The following PLCH1 variants were observed in gnomAD, a reference collection of about 807,000 sequenced individuals.
PLCH1 encodes the protein phospholipase C eta 1, also known as 1-phosphatidylinositol 4,5-bisphosphate phosphodiesterase eta-1.
PLCH1 carries 60 observed loss-of-function variants against 126.7 expected under a neutral mutation model. That is an observed-to-expected ratio of 0.47 (90% CI 0.38 to 0.59). The LOEUF (loss-of-function observed/expected upper bound fraction) is 0.59. Ranked by LOEUF, PLCH1 falls within the 20% of genes least tolerant of loss-of-function variation. The probability of loss-of-function intolerance (pLI) is 0.00; values close to 1 mark genes in which losing one functional copy is unlikely to be tolerated. For missense variants in PLCH1, 1,723 were observed against 2,040.0 expected (o/e 0.84, Z 2.99); for synonymous variants, 719 against 734.9 (o/e 0.98, Z 0.35).
intron 1 of PLCH1, among the ~76,000 whole-genome samples, chr3:155,722,523 A>T (rs1033611049): frequency 5.9e-5 from 9 of 152,136 alleles, no homozygotes; most frequent in African/African-American, 2.2e-4. Flanking sequence ...GAGGGTCTTA[A>T]TCATAAAAGA....
At chr3:155,587,890 A>G (rs1731593168) in intron 4 of PLCH1, among the ~76,000 whole-genome samples, 1 of 152,218 alleles carries the variant, frequency 6.6e-6, no homozygotes, top group South Asian at 2.1e-4. Flanking sequence ...CATATTTAGA[A>G]AACCAATTAA....
At chr3:155,520,964 T>TC (rs923941748) in intron 11 of PLCH1, among the ~76,000 whole-genome samples, 7 of 152,322 alleles carry the variant, frequency 4.6e-5, no homozygotes, top group African/African-American at 1.7e-4. Context: ...TGCATCTAAC[T>TC]CCAGGGTGGT....
chr3:155,684,932 T>G (rs1248667171), intron 2 of PLCH1, among the ~76,000 whole-genome samples: 1 of 152,182 alleles, frequency 6.6e-6, no homozygotes, highest in African/African-American at 2.4e-5. Context: ...ACAGTACTGA[T>G]TTATTAATTT....
chr3:155,612,099 C>T (rs557382412), intron 2 of PLCH1, among the ~76,000 whole-genome samples: 70 of 151,882 alleles, frequency 4.6e-4, no homozygotes, highest in Non-Finnish European at 8.7e-4. Flanking sequence ...GGCAGATCAC[C>T]TGAGGTCAAG....
chr3:155,659,577 G>C (rs1331901956), intron 2 of PLCH1, among the ~76,000 whole-genome samples: 1 of 151,782 alleles, frequency 6.6e-6, no homozygotes, highest in African/African-American at 2.4e-5. Flanking sequence ...TCGGCTCACT[G>C]CAACTCCACC....
At chr3:155,695,529 T>G (rs1018400439) in intron 2 of PLCH1, among the ~76,000 whole-genome samples, 5 of 152,232 alleles carry the variant, frequency 3.3e-5, no homozygotes. Context: ...AAATAAAATA[T>G]AGAAATTCAT....
intron 21 of PLCH1, among the ~76,000 whole-genome samples, chr3:155,460,293 A>T (rs1446987808): frequency 6.6e-6 from 1 of 152,200 alleles, no homozygotes; most frequent in African/African-American, 2.4e-5. Flanking sequence ...TTGCCAAAAT[A>T]TGTACTGGAC....
chr3:155,462,737 G>A (rs1166479304), intron 21 of PLCH1, among the ~76,000 whole-genome samples: 3 of 151,986 alleles, frequency 2.0e-5, no homozygotes, highest in Non-Finnish European at 4.4e-5. Context: ...TCAGCTACTC[G>A]CACAGTGGTT....
chr3:155,551,489 A>G (rs1726129970), intron 9 of PLCH1, among the ~76,000 whole-genome samples: 1 of 137,658 alleles, frequency 7.3e-6, no homozygotes, highest in Non-Finnish European at 1.5e-5. Flanking sequence ...AAGCCTAATT[A>G]GTGCTTGATG....
intron 1 of PLCH1, among the ~76,000 whole-genome samples, chr3:155,708,651 C>T (rs79509619): frequency 0.033 from 5,021 of 152,236 alleles, 229 homozygotes; most frequent in African/African-American, 0.1. Flanking sequence ...AGATGTATTT[C>T]CCCTGCATCT....
chr3:155,505,263 T>C (rs868043336), intron 12 of PLCH1, among the ~76,000 whole-genome samples: 3 of 152,216 alleles, frequency 2.0e-5, no homozygotes, highest in Middle Eastern at 3.2e-3. Flanking sequence ...GAATTTTTCC[T>C]CACATAGGTT....
chr3:155,544,450 AC>A (rs1724889109), intron 10 of PLCH1, among the ~76,000 whole-genome samples: 1 of 152,168 alleles, frequency 6.6e-6, no homozygotes, highest in African/African-American at 2.4e-5. Context: ...AGACTTTAAC[AC>A]CCCACTGTCA....
chr3:155,536,973 T>C (rs995966151), intron 10 of PLCH1, among the ~76,000 whole-genome samples: 1 of 152,060 alleles, frequency 6.6e-6, no homozygotes, highest in Non-Finnish European at 1.5e-5. Flanking sequence ...TAAAAGCAGA[T>C]TTCTCAGCCA....
intron 21 of PLCH1, among the ~76,000 whole-genome samples, chr3:155,466,225 T>C (rs375927591): frequency 2.3e-4 from 35 of 152,196 alleles, no homozygotes; most frequent in Admixed American, 1.8e-3. Context: ...AGTGCAGTCA[T>C]AGCAGTGGTG....
chr3:155,534,720 C>T (rs990068440), intron 10 of PLCH1, among the ~76,000 whole-genome samples: 8 of 152,092 alleles, frequency 5.3e-5, no homozygotes, highest in African/African-American at 1.9e-4. Flanking sequence ...TGGGAGAGAC[C>T]TGGTGGGAGG....
chr3:155,495,971 C>T (rs1342708167), intron 15 of PLCH1, among the ~76,000 whole-genome samples: 1 of 152,144 alleles, frequency 6.6e-6, no homozygotes, highest in Non-Finnish European at 1.5e-5. Context: ...TTTTGACAAG[C>T]CTAATTCAGA....
At chr3:155,529,994 T>C (rs1400452318) in intron 10 of PLCH1, among the ~76,000 whole-genome samples, 2 of 152,196 alleles carry the variant, frequency 1.3e-5, no homozygotes, top group African/African-American at 4.8e-5. Context: ...CTTGAACTCC[T>C]GACCTCAAGT....
intron 2 of PLCH1, among the ~76,000 whole-genome samples, chr3:155,689,242 AAC>A (rs1745193104): frequency 6.6e-6 from 1 of 152,222 alleles, no homozygotes; most frequent in Non-Finnish European, 1.5e-5. Flanking sequence ...GTCTGAAAAA[AAC>A]ACAGCATTAT....
chr3:155,708,388 A>T (rs1368570526), intron 1 of PLCH1, among the ~76,000 whole-genome samples: 1 of 152,050 alleles, frequency 6.6e-6, no homozygotes, highest in Non-Finnish European at 1.5e-5. Flanking sequence ...ATTCAAGTGA[A>T]AGGGATGTTA....
Sources: allele counts gnomAD v4.1 joint callset (sites outside exome capture counted in the v4.1 genomes callset), GRCh38; gene constraint gnomAD v4.1.1; transcripts MANE v1.5; gene names NCBI Gene and HGNC (gene_info 2026-07-23, HGNC 2026-07-21).